IMMP2L: variants seen among roughly 807,000 people sequenced by gnomAD.
The protein encoded by IMMP2L is inner mitochondrial membrane peptidase subunit 2, also known as mitochondrial inner membrane protease subunit 2.
Under a neutral mutation model 19.3 loss-of-function variants are expected in IMMP2L, and 18 were observed. That is an observed-to-expected ratio of 0.93 (90% CI 0.64 to 1.38). IMMP2L has a LOEUF of 1.38. IMMP2L is among the 40% of genes most tolerant of loss of function. IMMP2L has a pLI of 0.00. For synonymous variants in IMMP2L, 76 were observed against 73.0 expected (o/e 1.04, Z -0.21); for missense variants, 233 against 218.2 (o/e 1.07, Z -0.43).
chr7:111,041,194 T>G (rs1049553118), intron 3 of IMMP2L, among the ~76,000 whole-genome samples: 1 of 152,140 alleles, frequency 6.6e-6, no homozygotes. Flanking sequence ...TGAAATTTTT[T>G]CATTAAAAAA....
At position 110,803,193 on chromosome 7, in the gene IMMP2L, A is replaced by G. The variant is rs1801381316; in HGVS notation, c.408+83400T>C. On this transcript the variant is annotated intron_variant, in intron 5 of 5. Transcript: ENST00000405709. This position sits in a 1 kb window ranked among gnomAD's most constrained non-coding sequence, Gnocchi z 4.2. ...TAGGTAGTGGGAACAAAATGGACATAATCTCTGAGATAGGAATGAATAGTA... is the reference window on the plus strand; with the variant it reads ...TAGGTAGTGGGAACAAAATGGACATGATCTCTGAGATAGGAATGAATAGTA... 6.6e-6 allele frequency among the ~76,000 whole-genome samples: 1 copy of G among 152,066 alleles called. No individual in the cohort carries two copies. Among genetic ancestry groups the G allele is most frequent in the African/African-American group, 2.4e-5 (1 of 41,434 alleles).
chr7:111,419,053 G>A (rs1308092741), intron 3 of IMMP2L, among the ~76,000 whole-genome samples: 1 of 151,676 alleles, frequency 6.6e-6, no homozygotes, highest in Non-Finnish European at 1.5e-5. Flanking sequence ...ACTGCCATAG[G>A]TGGAAATCAA....
intron 5 of IMMP2L, among the ~76,000 whole-genome samples, chr7:110,762,514 C>T (rs1434242582): frequency 2.0e-5 from 3 of 152,118 alleles, no homozygotes; most frequent in South Asian, 2.1e-4. Flanking sequence ...AGGCCTGCCT[C>T]GGTGTCATTC....
intron 3 of IMMP2L, among the ~76,000 whole-genome samples, chr7:111,281,134 GAA>G (rs1819677962): frequency 1.4e-5 from 1 of 70,434 alleles, no homozygotes; most frequent in African/African-American, 7.1e-5. Context: ...GAGAAAGAGA[GAA>G]AGACAGAAAG....
chr7:111,352,444 A>C (rs1828267210), intron 3 of IMMP2L, among the ~76,000 whole-genome samples: 1 of 147,212 alleles, frequency 6.8e-6, no homozygotes, highest in Non-Finnish European at 1.5e-5. Flanking sequence ...CCTGGCCTTG[A>C]GTAATCATTG....
chr7:110,853,341 T>G (rs550598199), intron 5 of IMMP2L, among the ~76,000 whole-genome samples: 68 of 152,144 alleles, frequency 4.5e-4, no homozygotes, highest in African/African-American at 1.6e-3. Flanking sequence ...AAACCTTAGC[T>G]TTTGTAAAAT....
At chr7:110,754,695 A>G (rs1357260324) in intron 5 of IMMP2L, among the ~76,000 whole-genome samples, 1 of 152,090 alleles carries the variant, frequency 6.6e-6, no homozygotes, top group African/African-American at 2.4e-5. Flanking sequence ...ATAATGTTAG[A>G]AAAACTAATA....
intron 4 of IMMP2L, among the ~76,000 whole-genome samples, chr7:110,950,166 T>C (rs1817648734): frequency 6.6e-6 from 1 of 152,118 alleles, no homozygotes; most frequent in African/African-American, 2.4e-5. Context: ...TACAATTTCA[T>C]TCTTCTGTGT....
At chr7:111,093,716 C>A (rs1355039825) in intron 3 of IMMP2L, among the ~76,000 whole-genome samples, 1 of 152,158 alleles carries the variant, frequency 6.6e-6, no homozygotes, top group Non-Finnish European at 1.5e-5. Flanking sequence ...TGTTGCCACT[C>A]AGTGTGTGCC....
At chr7:111,163,129 T>C (rs918199632) in intron 3 of IMMP2L, among the ~76,000 whole-genome samples, 2 of 152,088 alleles carry the variant, frequency 1.3e-5, no homozygotes, top group African/African-American at 2.4e-5. Context: ...CTCTATGAGA[T>C]GCAAACATTC....
intron 3 of IMMP2L, among the ~76,000 whole-genome samples, chr7:110,979,819 G>A (rs973465806): frequency 6.6e-6 from 1 of 152,100 alleles, no homozygotes; most frequent in African/African-American, 2.4e-5. Flanking sequence ...AGGGTACAGA[G>A]TTTCTTTTTG....
intron 3 of IMMP2L, chr7:111,125,336 T>C (rs1260612567): frequency 5.9e-6 from 1 of 169,722 alleles, no homozygotes; most frequent in Non-Finnish European, 1.4e-5. Flanking sequence ...AATGGACAAA[T>C]TCTGTAGAGT....
intron 3 of IMMP2L, among the ~76,000 whole-genome samples, chr7:111,036,880 C>A (rs1460341988): frequency 6.6e-6 from 1 of 152,032 alleles, no homozygotes; most frequent in Non-Finnish European, 1.5e-5. Context: ...TTCATGATAT[C>A]ATAAGAAATC....
At chr7:111,397,126 A>C (rs994145300) in intron 3 of IMMP2L, among the ~76,000 whole-genome samples, 1 of 152,050 alleles carries the variant, frequency 6.6e-6, no homozygotes, top group Non-Finnish European at 1.5e-5. Context: ...TAAGAAAATA[A>C]AATCACTTAT....
At chr7:111,171,438 T>C (rs778066472) in intron 3 of IMMP2L, among the ~76,000 whole-genome samples, 3 of 151,554 alleles carry the variant, frequency 2.0e-5, no homozygotes, top group African/African-American at 4.8e-5. Context: ...TTTAAATATT[T>C]ACTCTAAAAG....
At chr7:111,528,669 T>C (rs530434450) in intron 1 of IMMP2L, among the ~76,000 whole-genome samples, 1 of 152,172 alleles carries the variant, frequency 6.6e-6, no homozygotes, top group Non-Finnish European at 1.5e-5. Context: ...ATATTTTAGC[T>C]TGTACAAAGT....
chr7:111,114,643 G>A (rs1799640385), intron 3 of IMMP2L, among the ~76,000 whole-genome samples: 1 of 151,580 alleles, frequency 6.6e-6, no homozygotes, highest in Non-Finnish European at 1.5e-5. Context: ...GGCTGAGGCA[G>A]GAGAATTGTT....
chr7:111,540,517 G>C (rs922958623), intron 1 of IMMP2L, among the ~76,000 whole-genome samples: 1 of 151,704 alleles, frequency 6.6e-6, no homozygotes, highest in Non-Finnish European at 1.5e-5. Flanking sequence ...AACCAAACTT[G>C]ATTTTCATCT....
intron 4 of IMMP2L, among the ~76,000 whole-genome samples, chr7:110,922,381 T>C (rs75382859): frequency 0.018 from 2,766 of 152,280 alleles, 88 homozygotes; most frequent in African/African-American, 0.063. Flanking sequence ...CAAAGGATCC[T>C]GATAGATAAT....
Sources: gnomAD v4.1 joint callset for allele counts (sites outside exome capture counted in the v4.1 genomes callset) on GRCh38, gnomAD v4.1.1 for gene constraint, Gnocchi (gnomAD v3.1) non-coding constraint, MANE v1.5 for transcripts, NCBI Gene and HGNC (gene_info 2026-07-23, HGNC 2026-07-21) for gene names.